Variants in CTNND2 observed in about 807,000 individuals in gnomAD.
The protein encoded by CTNND2 is catenin delta 2, also known as catenin delta-2.
Under a neutral mutation model 144.4 loss-of-function variants are expected in CTNND2, and 22 were observed. That is an observed-to-expected ratio of 0.15 (90% confidence interval 0.11 to 0.22). CTNND2 has a LOEUF of 0.22. Among genes scored for constraint, CTNND2 ranks in the 10% least tolerant of loss-of-function variants. The pLI is 1.00. For missense variants in CTNND2, 1,353 were observed against 1,618.8 expected (o/e 0.84, Z 2.82); for synonymous variants, 751 against 695.6 (o/e 1.08, Z -1.25).
rs1232165528 is a variant in CTNND2 at position 11,385,117 on chromosome 5, T to G, written c.725A>C (p.Asp242Ala). 2.2e-5 allele frequency: 23 copies of G among 1,022,638 alleles called. No individual in the cohort carries two copies. Among genetic ancestry groups the G allele is most frequent in the African/African-American group, 3.6e-5 (2 of 56,184 alleles). 63.3% of individuals were successfully genotyped at this position (1,022,638 alleles called of 1,614,324 possible). The change falls in exon 7 of 22, where the codon GAC becomes GCC. Residue 242 changes from aspartate (D) to alanine (A), a missense_variant. Asp to Ala is a moderately radical substitution (Grantham distance 126). This residue lies in a region of CTNND2 where 708 missense variants were observed against 706.4 expected (regional missense o/e 1.00). Coordinates refer to ENST00000304623, the MANE Select transcript of CTNND2 (RefSeq NM_001332.4). ...PSLGSAFHLP[D>A]APPAAAAAAL... is the part of the protein sequence containing the mutation. Reference sequence around the variant, plus strand: ...GGCGGCGGCGGCGGCGGGCGGCGCGTCGGGCAGGTGGAAGGCGCTGCCCAG... The same window carrying G: ...GGCGGCGGCGGCGGCGGGCGGCGCGGCGGGCAGGTGGAAGGCGCTGCCCAG...
At chr5:11,001,169 A>G (rs111448669) in intron 18 of CTNND2, among the ~76,000 whole-genome samples, 6 of 152,330 alleles carry the variant, frequency 3.9e-5, no homozygotes, top group Non-Finnish European at 5.9e-5. Flanking sequence ...ACCTTTGATC[A>G]GGCAGCTCTA....
In CTNND2 at chr5:11,397,051, T is replaced by C. The variant is rs1760206408; in HGVS notation, c.592A>G (p.Thr198Ala). Residue 198 changes from threonine to alanine, a missense_variant, in exon 6 of 22, where the codon ACG (threonine) becomes GCG (alanine). Physicochemically the swap from Thr to Ala is moderately conservative, Grantham distance 58 (BLOSUM62 0). Transcript: ENST00000304623. ...CCTACCTGGCTGAAGCTCTGGCCCGTAGCTCGGGCTTGTGTGCCTCGGGCC... is the reference window on the plus strand; with the variant it reads ...CCTACCTGGCTGAAGCTCTGGCCCGCAGCTCGGGCTTGTGTGCCTCGGGCC... The part of the protein sequence containing the change: ...LPARGTQARA[T>A]GQSFSQGTTS... 1 of 1,613,666 alleles carries C rather than the reference T, an allele frequency of 6.2e-7. No homozygotes were observed. The highest frequency in any genetic ancestry group is 8.5e-7 in the Non-Finnish European group (1 of 1,179,998).
At chr5:11,122,143 G>C (rs1754206238) in intron 12 of CTNND2, among the ~76,000 whole-genome samples, 1 of 151,568 alleles carries the variant, frequency 6.6e-6, no homozygotes, top group African/African-American at 2.4e-5. Flanking sequence ...TATGCTTACA[G>C]AATAAATATC....
intron 3 of CTNND2, among the ~76,000 whole-genome samples, chr5:11,432,002 C>T (rs1763335356): frequency 6.6e-6 from 1 of 151,878 alleles, no homozygotes; most frequent in South Asian, 2.1e-4. Context: ...AAACACAGGG[C>T]TAAACATTTA....
intron 6 of CTNND2, among the ~76,000 whole-genome samples, chr5:11,386,497 A>C (rs1419011902): frequency 6.6e-6 from 1 of 152,194 alleles, no homozygotes; most frequent in Non-Finnish European, 1.5e-5. Flanking sequence ...CTGGGATGTC[A>C]AGTTCATATG....
chr5:11,214,296 TTC>T (rs1383066904), intron 10 of CTNND2, among the ~76,000 whole-genome samples: 2 of 152,226 alleles, frequency 1.3e-5, no homozygotes, highest in Admixed American at 6.5e-5. Flanking sequence ...AGTTTCTTTG[TTC>T]TCTGTTTTAT....
At chr5:11,197,673 G>T (rs760657450) in intron 11 of CTNND2, among the ~76,000 whole-genome samples, 1 of 152,124 alleles carries the variant, frequency 6.6e-6, no homozygotes, top group Non-Finnish European at 1.5e-5. Context: ...AAGCAATGTC[G>T]AAGGCAATGG....
At chr5:11,271,899 T>C (rs1746054711) in intron 9 of CTNND2, among the ~76,000 whole-genome samples, 1 of 152,070 alleles carries the variant, frequency 6.6e-6, no homozygotes, top group Non-Finnish European at 1.5e-5. Context: ...AGGATACAAA[T>C]TGTGCATCTT....
chr5:11,778,994 TC>T (rs2126843026), intron 1 of CTNND2, among the ~76,000 whole-genome samples: 1 of 152,312 alleles, frequency 6.6e-6, no homozygotes, highest in East Asian at 1.9e-4. Context: ...TATTGACACA[TC>T]CTTTAAACAT....
chr5:11,216,859 G>C (rs375009022), intron 10 of CTNND2, among the ~76,000 whole-genome samples: 1 of 152,220 alleles, frequency 6.6e-6, no homozygotes, highest in Non-Finnish European at 1.5e-5. Context: ...AGTCCAAGCT[G>C]CTCCCTCCAG....
intron 1 of CTNND2, among the ~76,000 whole-genome samples, chr5:11,780,190 G>A (rs1375673875): frequency 2.6e-5 from 4 of 152,098 alleles, no homozygotes; most frequent in South Asian, 4.1e-4. Flanking sequence ...GTCACACACC[G>A]TGTCATCCCC....
intron 9 of CTNND2, among the ~76,000 whole-genome samples, chr5:11,335,952 G>A (rs1753687212): frequency 6.6e-6 from 1 of 151,932 alleles, no homozygotes; most frequent in Non-Finnish European, 1.5e-5. Flanking sequence ...TGTAACCTTT[G>A]TAACTTCAGC....
intron 10 of CTNND2, among the ~76,000 whole-genome samples, chr5:11,219,008 C>T (rs1739509022): frequency 6.6e-6 from 1 of 152,216 alleles, no homozygotes; most frequent in African/African-American, 2.4e-5. Context: ...TGAGACCTTT[C>T]ATTTTAAACA....
chr5:11,205,418 T>C (rs1561019495), intron 10 of CTNND2, among the ~76,000 whole-genome samples: 1 of 152,314 alleles, frequency 6.6e-6, no homozygotes, highest in South Asian at 2.1e-4. Flanking sequence ...GGTACTGGCT[T>C]TGAAAAAGCT....
At chr5:11,672,939 G>C (rs994164322) in intron 2 of CTNND2, among the ~76,000 whole-genome samples, 6 of 152,132 alleles carry the variant, frequency 3.9e-5, no homozygotes, top group Non-Finnish European at 7.4e-5. Flanking sequence ...GCTGCACCCT[G>C]TCCAACCAGT....
intron 9 of CTNND2, among the ~76,000 whole-genome samples, chr5:11,245,526 A>C (rs1742911178): frequency 6.6e-6 from 1 of 152,162 alleles, no homozygotes; most frequent in Non-Finnish European, 1.5e-5. Context: ...GGAGGGGTCC[A>C]CGAGCCAAGG....
At chr5:11,827,229 G>C (rs1342415091) in intron 1 of CTNND2, among the ~76,000 whole-genome samples, 1 of 152,070 alleles carries the variant, frequency 6.6e-6, no homozygotes, top group African/African-American at 2.4e-5. Flanking sequence ...ATAATTCATG[G>C]GATGTCAAAG....
intron 9 of CTNND2, among the ~76,000 whole-genome samples, chr5:11,307,140 ATCAG>A (rs1323249276): frequency 6.6e-6 from 1 of 151,592 alleles, no homozygotes; most frequent in East Asian, 1.9e-4. Context: ...AGAGTCATTT[ATCAG>A]TCTCTAAGAA....
At chr5:11,659,455 G>GGA (rs1298378893) in intron 2 of CTNND2, among the ~76,000 whole-genome samples, 1 of 152,054 alleles carries the variant, frequency 6.6e-6, no homozygotes, top group Admixed American at 6.6e-5. Flanking sequence ...GTTCACGTGT[G>GGA]GACTGTAGAC....
Sources: gnomAD v4.1 joint callset for allele counts (sites outside exome capture counted in the v4.1 genomes callset) on GRCh38, gnomAD v4.1.1 for gene constraint, gnomAD v4.1.1 regional missense constraint, MANE v1.5 for transcripts, NCBI Gene and HGNC (gene_info 2026-07-23, HGNC 2026-07-21) for gene names.